Variants in RERE observed in about 807,000 individuals in gnomAD.
The protein encoded by RERE is arginine-glutamic acid dipeptide repeats, also known as arginine-glutamic acid dipeptide repeats protein.
In RERE, 40 loss-of-function variants were observed where a neutral mutation model predicts 146.1. The ratio of observed to expected loss-of-function variants is 0.27; its 90% CI spans 0.21 to 0.36. RERE has a LOEUF of 0.36. Ranked by LOEUF, RERE falls within the 10% of genes least tolerant of loss-of-function variation. The pLI is 1.00. For synonymous variants in RERE, 1,003 were observed against 866.0 expected, an observed-to-expected ratio of 1.16 and a Z score of -2.78; for missense variants, 1,933 against 2,138.7, an observed-to-expected ratio of 0.90 and a Z score of 1.90.
chr1:8,745,900 T>C (rs1569696954), intron 1 of RERE, among the ~76,000 whole-genome samples: 1 of 152,278 alleles, frequency 6.6e-6, no homozygotes, highest in East Asian at 1.9e-4. Flanking sequence ...GCAGATCTTA[T>C]CTTTACAAAA....
chr1:8,750,380 C>A, intron 1 of RERE: 1 of 665,182 alleles, frequency 1.5e-6, no homozygotes, highest in Non-Finnish European at 2.7e-6. Flanking sequence ...GTGAGTGTCA[C>A]AAACCCAGTA....
At chr1:8,388,365 T>C (rs1265414596) in intron 12 of RERE, among the ~76,000 whole-genome samples, 1 of 150,934 alleles carries the variant, frequency 6.6e-6, no homozygotes, top group Non-Finnish European at 1.5e-5. Context: ...CAGGCTGGAC[T>C]GCGGACTGCA....
At chr1:8,362,182 A>C (rs947901480) in intron 16 of RERE, among the ~76,000 whole-genome samples, 1 of 152,224 alleles carries the variant, frequency 6.6e-6, no homozygotes, top group Non-Finnish European at 1.5e-5. Context: ...TCTTGTCATT[A>C]TCTCCTGAAC....
intron 10 of RERE, among the ~76,000 whole-genome samples, chr1:8,473,810 G>T (rs1193321422): frequency 1.3e-5 from 2 of 152,194 alleles, no homozygotes; most frequent in Non-Finnish European, 2.9e-5. Context: ...GAGACAAAAT[G>T]TGTCAAGACA....
chr1:8,541,667 A>G (rs910154603), intron 6 of RERE, among the ~76,000 whole-genome samples: 1 of 152,220 alleles, frequency 6.6e-6, no homozygotes, highest in African/African-American at 2.4e-5. Flanking sequence ...GCCTTTCTAA[A>G]TCATAAAAAA....
At chr1:8,654,735 G>A (rs563745094) in intron 2 of RERE, among the ~76,000 whole-genome samples, 3 of 151,542 alleles carry the variant, frequency 2.0e-5, no homozygotes, top group African/African-American at 7.3e-5. Flanking sequence ...CCAGACTCAA[G>A]TGATGCTCCT....
intron 7 of RERE, among the ~76,000 whole-genome samples, chr1:8,516,971 C>G (rs543861959): frequency 5.9e-5 from 9 of 152,094 alleles, no homozygotes; most frequent in African/African-American, 2.2e-4. Context: ...GCGGAGGGTG[C>G]GACCACAAAG....
intron 8 of RERE, among the ~76,000 whole-genome samples, chr1:8,505,311 C>T (rs576055652): frequency 2.0e-5 from 3 of 152,258 alleles, no homozygotes; most frequent in African/African-American, 4.8e-5. Context: ...TTTATATGTT[C>T]TGATATATTG....
intron 21 of RERE, 149 bp downstream of exon 21, chr1:8,355,951 G>C (rs1338809208): frequency 1.2e-6 from 1 of 820,624 alleles, no homozygotes; most frequent in Admixed American, 2.9e-5. Context: ...CAGGAGGCTT[G>C]TTCCCCCACG....
intron 3 of RERE, among the ~76,000 whole-genome samples, chr1:8,621,236 C>A (rs1570525201): frequency 6.6e-6 from 1 of 152,080 alleles, no homozygotes. Flanking sequence ...TGTTCTATAC[C>A]ACAGACTCGA....
At chr1:8,531,698 G>A (rs1458143821) in intron 7 of RERE, among the ~76,000 whole-genome samples, 1 of 152,116 alleles carries the variant, frequency 6.6e-6, no homozygotes, top group East Asian at 1.9e-4. Context: ...TTTATGGTAA[G>A]TATTCTGTTA....
At chr1:8,405,080 G>A (rs965954052) in intron 12 of RERE, among the ~76,000 whole-genome samples, 10 of 152,238 alleles carry the variant, frequency 6.6e-5, no homozygotes, top group East Asian at 3.9e-4. Flanking sequence ...TAAAGTTTTC[G>A]AAGAAAAAGG....
chr1:8,565,830 G>A (rs1351758683), intron 4 of RERE, among the ~76,000 whole-genome samples: 1 of 152,168 alleles, frequency 6.6e-6, no homozygotes, highest in Non-Finnish European at 1.5e-5. Flanking sequence ...ACCTAAAGCA[G>A]AGTATACCAC....
rs368014703 is a variant in RERE at position 8,361,237 on chromosome 1, C to T, written c.2270G>A (p.Gly757Glu). ...CCCTGGCGTGGGCAGCTGAGGGGTC[C>T]CTGGAGGAGCTGAGGAGGGAGCTGG... ...VTPAPSSAPP[G>E]TPQLPTPGPT... Residue 757 changes from glycine (G) to glutamate (E), a missense_variant, in exon 18 of 23, where the codon GGG (glycine) becomes GAG (glutamate). Coordinates refer to ENST00000400908, the MANE Select transcript of RERE (RefSeq NM_001042681.2). The T allele has an allele frequency of 1.2e-5, 18 of 1,552,100 alleles. No individual in the cohort carries two copies. The highest frequency in any genetic ancestry group is 2.3e-5 in the East Asian group (1 of 44,426).
At position 8,563,965 on chromosome 1, in the gene RERE, G is replaced by A. The variant is rs1384692894; in HGVS notation, c.523-6442C>T. ...GTCAGACACTAATTAAGCATACAGA[G>A]GGGGGAACACCGTCTCCCAGAGACA... On this transcript the variant is annotated intron_variant, in intron 4 of 22. Coordinates refer to ENST00000400908, the MANE Select transcript of RERE (RefSeq NM_001042681.2). Among the ~76,000 whole-genome samples, 7 of 152,150 alleles carry A rather than the reference G, an allele frequency of 4.6e-5. No homozygotes were observed. In the South Asian group the frequency reaches 1.5e-3, roughly 32 times the overall value.
chr1:8,628,203 T>C (rs1646996839), intron 2 of RERE, among the ~76,000 whole-genome samples: 1 of 152,142 alleles, frequency 6.6e-6, no homozygotes, highest in Non-Finnish European at 1.5e-5. Flanking sequence ...TATCAGTACT[T>C]TGAAACACAT....
At chr1:8,793,644 G>C (rs1429474538) in intron 1 of RERE, among the ~76,000 whole-genome samples, 1 of 152,204 alleles carries the variant, frequency 6.6e-6, no homozygotes, top group Non-Finnish European at 1.5e-5. Context: ...CTCATGAGAA[G>C]AGGCACTTAA....
In RERE at chr1:8,369,508, T is replaced by TAAAAAAAAAAA. The variant is rs1186718390; in HGVS notation, c.1285-3545_1285-3535dup. 2.3e-3 allele frequency among the ~76,000 whole-genome samples: 175 copies of TAAAAAAAAAAA among 76,880 alleles called. 1 individual carries two copies. Among genetic ancestry groups the TAAAAAAAAAAA allele is most frequent in the African/African-American group, 6.2e-3 (146 of 23,642 alleles). The allele number at this position is 76,880 out of a possible 152,430, so 50.4% of individuals were successfully genotyped here. On this transcript the variant is annotated intron_variant, in intron 12 of 22. Transcript: ENST00000400908. Reference sequence around the variant, plus strand: ...ATCGAATAAATCTTTCGCCTTTTACTAAAAAAAAAAAAAAAAAAAAAAAAA... The same window carrying TAAAAAAAAAAA: ...ATCGAATAAATCTTTCGCCTTTTACTAAAAAAAAAAAAAAAAAAAAAAAAAAAAAAAAAAAA...
intron 1 of RERE, among the ~76,000 whole-genome samples, chr1:8,667,916 C>A (rs1398771249): frequency 6.6e-6 from 1 of 152,198 alleles, no homozygotes; most frequent in African/African-American, 2.4e-5. Flanking sequence ...GGGGGGCTAT[C>A]CTGTGCATTG....
Sources: allele counts gnomAD v4.1 joint callset (sites outside exome capture counted in the v4.1 genomes callset), GRCh38; gene constraint gnomAD v4.1.1; transcripts MANE v1.5; gene names NCBI Gene and HGNC (gene_info 2026-07-23, HGNC 2026-07-21).